The following GALNT14 variants were observed in gnomAD, a reference collection of about 807,000 sequenced individuals.
The protein encoded by GALNT14 is UDP-GalNAc:polypeptide N-acetylgalactosaminyltransferase 14.
A neutral mutation model predicts 77.5 loss-of-function variants in GALNT14; 60 were observed. The ratio of observed to expected loss-of-function variants is 0.77; its 90% CI spans 0.63 to 0.96. The LOEUF (loss-of-function observed/expected upper bound fraction) is 0.96, where lower values mean the gene tolerates loss of function less well. Ranked by LOEUF, GALNT14 falls within the 40% of genes least tolerant of loss-of-function variation. GALNT14 has a pLI of 0.00. For synonymous variants in GALNT14, 280 were observed against 281.7 expected, an observed-to-expected ratio of 0.99 and a Z score of 0.06; for missense variants, 710 against 731.0, an observed-to-expected ratio of 0.97 and a Z score of 0.33.
At chr2:30,899,583 T>A in the GALNT14 span, among the ~76,000 whole-genome samples, 3 of 151,648 alleles carry the variant, frequency 2.0e-5, no homozygotes, top group African/African-American at 7.3e-5. Context: ...TTTTTTTTTT[T>A]CCTCCTTCTT....
intron 1 of GALNT14, among the ~76,000 whole-genome samples, chr2:31,056,609 G>T (rs757035964): frequency 2.6e-4 from 39 of 152,058 alleles, no homozygotes; most frequent in African/African-American, 8.9e-4. Flanking sequence ...CCTGCCATGG[G>T]GAGGCCTTTA....
chr2:31,052,278 T>C (rs528514457), intron 1 of GALNT14, among the ~76,000 whole-genome samples: 1 of 152,232 alleles, frequency 6.6e-6, no homozygotes, highest in East Asian at 1.9e-4. Context: ...TCCCTGTACT[T>C]CTGTGAGCCT....
At chr2:31,026,046 G>A (rs564756468) in intron 1 of GALNT14, among the ~76,000 whole-genome samples, 2 of 152,306 alleles carry the variant, frequency 1.3e-5, no homozygotes, top group African/African-American at 4.8e-5. Flanking sequence ...GCACACTGGT[G>A]TTTGACCAGA....
In GALNT14 at chr2:30,987,766, G is replaced by A. The variant is rs192504720; in HGVS notation, c.299+5072C>T. 2.1e-3 allele frequency among the ~76,000 whole-genome samples: 272 copies of A among 128,850 alleles called. 1 individual carries two copies. Among genetic ancestry groups the A allele is most frequent in the African/African-American group, 6.8e-3 (227 of 33,550 alleles). 84.5% of individuals were successfully genotyped at this position (128,850 alleles called of 152,430 possible). A position where few individuals can be genotyped will look rare whatever the true frequency, so the allele number is the denominator to read the frequency against. ...CCACCTGCTGCCTCCCACATCATGC[G>A]GCATCTTCAGATTCCTGAGCTGCTC... is the stretch of plus-strand genomic sequence containing the variant. On this transcript the variant is annotated intron_variant, in intron 2 of 14. Coordinates refer to ENST00000349752, the MANE Select transcript of GALNT14 (RefSeq NM_024572.4).
At chr2:31,038,076 A>ATG in intron 1 of GALNT14, among the ~76,000 whole-genome samples, 1 of 76,080 alleles carries the variant, frequency 1.3e-5, no homozygotes, top group Non-Finnish European at 2.4e-5. Flanking sequence ...ATATATATAT[A>ATG]TATATATATT....
At chr2:31,032,100 C>G (rs968572458) in intron 1 of GALNT14, among the ~76,000 whole-genome samples, 1 of 152,248 alleles carries the variant, frequency 6.6e-6, no homozygotes, top group Non-Finnish European at 1.5e-5. Context: ...AGCAGACTCT[C>G]ATGGATACAA....
intron 2 of GALNT14, among the ~76,000 whole-genome samples, chr2:30,984,944 C>T (rs186239820): frequency 6.6e-4 from 99 of 149,914 alleles, no homozygotes; most frequent in African/African-American, 2.3e-3. Flanking sequence ...GCAGGAAATT[C>T]GTGTATTAAT....
At chr2:31,058,773 C>A (rs533690698) in intron 1 of GALNT14, among the ~76,000 whole-genome samples, 3 of 152,216 alleles carry the variant, frequency 2.0e-5, no homozygotes, top group African/African-American at 4.8e-5. Context: ...GGCCTTATTA[C>A]ACTACTTATT....
rs1558514656 is a variant in GALNT14 at position 31,038,086 on chromosome 2, T to TATATATATATATATA, written c.130-45080_130-45079insTATATATATATATAT. ...TTGCCATATATATATATATATATATTTTTTTTTTTTTTTTTTTTTTTTTTT... is the reference window on the plus strand; with the variant it reads ...TTGCCATATATATATATATATATATTATATATATATATATATTTTTTTTTTTTTTTTTTTTTTTTT... On this transcript the variant is annotated intron_variant, in intron 1 of 14. Coordinates refer to ENST00000349752, the MANE Select transcript of GALNT14 (RefSeq NM_024572.4). Among the ~76,000 whole-genome samples, 102 of 35,630 alleles carry TATATATATATATATA rather than the reference T, an allele frequency of 2.9e-3. 1 individual carries two copies. The highest frequency in any genetic ancestry group is 4.9e-3 in the African/African-American group (28 of 5,704). The allele number at this position is 35,630 out of a possible 152,430, so 23.4% of individuals were successfully genotyped here. A position where few individuals can be genotyped will look rare whatever the true frequency, so the allele number is the denominator to read the frequency against.
chr2:31,128,470 T>G (rs1678808247), intron 1 of GALNT14, among the ~76,000 whole-genome samples: 1 of 152,334 alleles, frequency 6.6e-6, no homozygotes. Flanking sequence ...TCAAATGACA[T>G]TTTTCCTCTT....
At chr2:31,114,424 A>G (rs1039955506) in intron 1 of GALNT14, among the ~76,000 whole-genome samples, 13 of 152,246 alleles carry the variant, frequency 8.5e-5, no homozygotes, top group Non-Finnish European at 4.4e-5. Flanking sequence ...ACTTAACGGT[A>G]TTCAATTACA....
intron 1 of GALNT14, among the ~76,000 whole-genome samples, chr2:31,098,175 T>C (rs545940915): frequency 6.6e-6 from 1 of 152,312 alleles, no homozygotes; most frequent in Admixed American, 6.5e-5. Flanking sequence ...ACTCAGCAAA[T>C]GTACTGCATT....
In GALNT14 at chr2:31,037,357, C is replaced by A. The variant is rs561648133; in HGVS notation, c.130-44350G>T. Among the ~76,000 whole-genome samples, 13 of 152,278 alleles carry A rather than the reference C, an allele frequency of 8.5e-5. No individual in the cohort carries two copies. In the East Asian group the frequency reaches 2.5e-3, roughly 29 times the overall value. On this transcript the variant is annotated intron_variant, in intron 1 of 14. Coordinates refer to ENST00000349752, the MANE Select transcript of GALNT14 (RefSeq NM_024572.4). ...TTAAATCAATAATTTTACCTACTTA[C>A]TGGTATTCTTTAATTAATCAGACAA...
intron 1 of GALNT14, among the ~76,000 whole-genome samples, chr2:31,042,706 T>C (rs1199054565): frequency 6.6e-6 from 1 of 152,168 alleles, no homozygotes; most frequent in African/African-American, 2.4e-5. Context: ...ATCGCACTGG[T>C]TCTTGCTTCA....
At chr2:31,011,899 G>T (rs61036023) in intron 1 of GALNT14, among the ~76,000 whole-genome samples, 1 of 152,022 alleles carries the variant, frequency 6.6e-6, no homozygotes, top group Non-Finnish European at 1.5e-5. Flanking sequence ...CTGCCATAAC[G>T]CTCAGCCGGG....
At chr2:30,989,222 G>A (rs1310019389) in intron 2 of GALNT14, among the ~76,000 whole-genome samples, 3 of 152,036 alleles carry the variant, frequency 2.0e-5, no homozygotes, top group South Asian at 2.1e-4. Context: ...TGCTATGACC[G>A]ATGCTAAGGA....
At chr2:31,055,926 C>T (rs1034689997) in intron 1 of GALNT14, among the ~76,000 whole-genome samples, 2 of 152,242 alleles carry the variant, frequency 1.3e-5, no homozygotes, top group African/African-American at 4.8e-5. Context: ...ATTCTCCCCA[C>T]TTGCATTCTT....
intron 1 of GALNT14, among the ~76,000 whole-genome samples, chr2:31,105,341 T>C (rs902094295): frequency 6.6e-6 from 1 of 152,228 alleles, no homozygotes; most frequent in Non-Finnish European, 1.5e-5. Flanking sequence ...ATTTCCTGAC[T>C]TTCTGGCAAG....
At chr2:31,108,527 G>A (rs1677675037) in intron 1 of GALNT14, among the ~76,000 whole-genome samples, 1 of 152,146 alleles carries the variant, frequency 6.6e-6, no homozygotes, top group South Asian at 2.1e-4. Flanking sequence ...TCTTCCCTAT[G>A]CTACTCCTTC....
Sources: allele counts gnomAD v4.1 joint callset (sites outside exome capture counted in the v4.1 genomes callset), GRCh38; gene constraint gnomAD v4.1.1; transcripts MANE v1.5; gene names NCBI Gene and HGNC (gene_info 2026-07-23, HGNC 2026-07-21).